The following VWC2L variants were observed in gnomAD, a reference collection of about 807,000 sequenced individuals.
The protein encoded by VWC2L is von Willebrand factor C domain containing 2 like, also known as von Willebrand factor C domain-containing protein 2-like.
Under a neutral mutation model 21.6 loss-of-function variants are expected in VWC2L, and 10 were observed. The observed-to-expected ratio is 0.46, with a 90% CI of 0.29 to 0.78. The LOEUF (loss-of-function observed/expected upper bound fraction) is 0.78. VWC2L is among the 30% of genes least tolerant of loss of function. The probability of loss-of-function intolerance (pLI) is 0.10; values close to 1 mark genes in which losing one functional copy is unlikely to be tolerated. For missense variants in VWC2L, 209 were observed against 277.1 expected, an observed-to-expected ratio of 0.75 and a Z score of 1.74; for synonymous variants, 96 against 94.3, an observed-to-expected ratio of 1.02 and a Z score of -0.10.
intron 2 of VWC2L, among the ~76,000 whole-genome samples, chr2:214,432,798 G>C (rs1702619356): frequency 6.6e-6 from 1 of 152,084 alleles, no homozygotes; most frequent in Non-Finnish European, 1.5e-5. Flanking sequence ...AAGGTGGGTG[G>C]ATCATTTGAG....
At chr2:214,547,404 G>A (rs374627272) in intron 3 of VWC2L, among the ~76,000 whole-genome samples, 2 of 152,204 alleles carry the variant, frequency 1.3e-5, no homozygotes, top group East Asian at 1.9e-4. Context: ...GAGAATGTTC[G>A]ACATATAATT....
intron 3 of VWC2L, 30 bp from the exon 4 acceptor site, chr2:214,575,642 T>A (rs1317057281): frequency 6.2e-7 from 1 of 1,609,086 alleles, no homozygotes; most frequent in Admixed American, 1.7e-5. Context: ...TCAGATTTAA[T>A]CAACTAATCA....
rs539967725 is a variant in VWC2L, at chr2:214,576,576, C to A, written c.*756C>A. On this transcript the variant is annotated 3_prime_UTR_variant, in exon 4 of 4. Transcript: ENST00000312504. ...AACACCATAAGCTCAACTAAAGAAT[C>A]CAAAGAGAGACAGATCTTTAAAATT... 6.6e-6 allele frequency: 1 copy of A among 152,236 alleles called. No individual in the cohort carries two copies. Among genetic ancestry groups the A allele is most frequent in the African/African-American group, 2.4e-5 (1 of 41,544 alleles). The allele number at this position is 152,236 out of a possible 1,614,324, so 9.4% of individuals were successfully genotyped here.
intron 3 of VWC2L, among the ~76,000 whole-genome samples, chr2:214,511,501 A>G (rs12694337): frequency 0.89 from 134,632 of 152,048 alleles, 61,758 homozygotes; most frequent in Non-Finnish European, 1. Flanking sequence ...GATTTGGGAC[A>G]ATTTCTCCTT....
At chr2:214,426,095 C>G (rs1379500719) in intron 2 of VWC2L, among the ~76,000 whole-genome samples, 2 of 148,730 alleles carry the variant, frequency 1.3e-5, no homozygotes, top group Non-Finnish European at 3.0e-5. Flanking sequence ...TCACTTGAAC[C>G]CAGGAGGTGG....
At chr2:214,464,172 G>A (rs1304748333) in intron 3 of VWC2L, among the ~76,000 whole-genome samples, 1 of 152,010 alleles carries the variant, frequency 6.6e-6, no homozygotes, top group African/African-American at 2.4e-5. Context: ...TAGTTCATTT[G>A]TTGAGGTCAT....
intron 3 of VWC2L, among the ~76,000 whole-genome samples, chr2:214,502,200 C>A (rs79213591): frequency 1.2e-3 from 180 of 152,144 alleles, no homozygotes; most frequent in Non-Finnish European, 1.5e-3. Flanking sequence ...TTGAAATATT[C>A]GCATGTTCTC....
intron 3 of VWC2L, among the ~76,000 whole-genome samples, chr2:214,511,824 C>T (rs1689058170): frequency 8.1e-6 from 1 of 124,204 alleles, no homozygotes; most frequent in African/African-American, 2.6e-5. Context: ...TTACACAACA[C>T]ACTATATATA....
chr2:214,532,847 G>A (rs566514553), intron 3 of VWC2L, among the ~76,000 whole-genome samples: 17 of 152,110 alleles, frequency 1.1e-4, no homozygotes, highest in South Asian at 2.1e-4. Context: ...GCCTGAGACC[G>A]GATAGGAACA....
intron 3 of VWC2L, among the ~76,000 whole-genome samples, chr2:214,543,911 G>T (rs936648675): frequency 2.0e-5 from 3 of 152,192 alleles, no homozygotes; most frequent in Admixed American, 6.5e-5. Context: ...GTACCCAGAA[G>T]TATGTTTACT....
intron 1 of VWC2L, 39 bp from the exon 2 acceptor site, chr2:214,414,075 A>G (rs931186663): frequency 6.1e-6 from 7 of 1,141,484 alleles, no homozygotes; most frequent in Non-Finnish European, 8.4e-6. Context: ...TCTTCACTTT[A>G]TATATGTCAA....
intron 3 of VWC2L, among the ~76,000 whole-genome samples, chr2:214,563,270 G>A (rs529945538): frequency 1.1e-4 from 17 of 151,982 alleles, no homozygotes; most frequent in South Asian, 1.0e-3. Flanking sequence ...GTTGTAGGCC[G>A]GGTGCGGTGG....
chr2:214,444,637 T>A (rs937355747), intron 3 of VWC2L, among the ~76,000 whole-genome samples: 6 of 151,936 alleles, frequency 3.9e-5, no homozygotes, highest in Non-Finnish European at 7.4e-5. Context: ...ACCTACCAGC[T>A]GTATTAATAT....
chr2:214,433,481 T>C (rs1702633912), intron 2 of VWC2L, among the ~76,000 whole-genome samples: 1 of 152,182 alleles, frequency 6.6e-6, no homozygotes, highest in African/African-American at 2.4e-5. Context: ...CAGTATTCTC[T>C]GTTTCTCTAA....
chr2:214,498,384 G>A (rs1005787622), intron 3 of VWC2L, among the ~76,000 whole-genome samples: 1 of 152,032 alleles, frequency 6.6e-6, no homozygotes. Flanking sequence ...GAGTATCAGA[G>A]GCCTATTGTT....
At chr2:214,557,270 G>A (rs529372954) in intron 3 of VWC2L, among the ~76,000 whole-genome samples, 24 of 152,212 alleles carry the variant, frequency 1.6e-4, no homozygotes, top group African/African-American at 5.3e-4. Flanking sequence ...GGGAGAGAAT[G>A]AAAACCAAGC....
chr2:214,420,262 T>C (rs1033961905), intron 2 of VWC2L, among the ~76,000 whole-genome samples: 1 of 152,146 alleles, frequency 6.6e-6, no homozygotes, highest in African/African-American at 2.4e-5. Context: ...TAAAAACGTT[T>C]GAGTGGGAAG....
chr2:214,544,082 C>G (rs978163645), intron 3 of VWC2L, among the ~76,000 whole-genome samples: 2 of 152,162 alleles, frequency 1.3e-5, no homozygotes, highest in Non-Finnish European at 2.9e-5. Flanking sequence ...GAAATTAAGA[C>G]TCAGAAAGAT....
At chr2:214,460,601 TA>T (rs1703125471) in intron 3 of VWC2L, among the ~76,000 whole-genome samples, 2 of 152,324 alleles carry the variant, frequency 1.3e-5, no homozygotes, top group East Asian at 3.9e-4. Context: ...TGGATTCTTT[TA>T]TTCCAGGATT....
Sources: gnomAD v4.1 joint callset for allele counts (sites outside exome capture counted in the v4.1 genomes callset) on GRCh38, gnomAD v4.1.1 for gene constraint, MANE v1.5 for transcripts, NCBI Gene and HGNC (gene_info 2026-07-23, HGNC 2026-07-21) for gene names.